MSH6: variants seen among roughly 807,000 people sequenced by gnomAD.
MSH6 encodes mutS homolog 6.
MSH6 carries 85 observed loss-of-function variants against 119.1 expected under a neutral mutation model. The observed-to-expected ratio is 0.71, with a 90% CI of 0.60 to 0.85. The LOEUF (loss-of-function observed/expected upper bound fraction) is 0.85, where lower values mean the gene tolerates loss of function less well. Among genes scored for constraint, MSH6 ranks in the 40% least tolerant of loss-of-function variants. The pLI, the probability that MSH6 is intolerant of heterozygous loss-of-function variation, is 0.00. For missense variants in MSH6, 2,163 were observed against 1,655.3 expected (o/e 1.31, Z -5.32); for synonymous variants, 830 against 586.9 (o/e 1.41, Z -5.99).
At position 47,800,472 on chromosome 2, in the gene MSH6, C is replaced by G; in HGVS notation, c.2489C>G (p.Ser830Cys). Reference protein sequence around the residue: ...RLLSKIHNVGSPLKSQNHPDS... With the variant: ...RLLSKIHNVGCPLKSQNHPDS... Reference sequence around the variant, plus strand: ...CTCAGTAAAATTCATAATGTTGGGTCTCCCCTGAAGAGTCAGAACCACCCA... The same window carrying G: ...CTCAGTAAAATTCATAATGTTGGGTGTCCCCTGAAGAGTCAGAACCACCCA... The change falls in exon 4 of 10, where the codon TCT becomes TGT. Residue 830 changes from serine (S) to cysteine (C), a missense_variant. Coordinates refer to ENST00000234420, the MANE Select transcript of MSH6 (RefSeq NM_000179.3). The G allele has an allele frequency of 1.2e-6, 2 of 1,613,496 alleles. No individual in the cohort carries two copies. The highest frequency in any genetic ancestry group is 1.1e-5 in the South Asian group (1 of 91,036).
intron 1 of MSH6, 191 bp downstream of exon 1, chr2:47,783,684 A>G: frequency 1.7e-6 from 1 of 571,668 alleles, no homozygotes; most frequent in Non-Finnish European, 2.8e-6. Flanking sequence ...GTAGCTTGTA[A>G]ACAGGGTCGG....
chr2:47,783,575 G>T (rs886639942), intron 1 of MSH6, 82 bp downstream of exon 1: 1 of 1,337,916 alleles, frequency 7.5e-7, no homozygotes, highest in Non-Finnish European at 9.7e-7. Flanking sequence ...TCGCACAGGG[G>T]GTTGGGGGGG....
chr2:47,805,386 AG>A (rs1359124497), intron 6 of MSH6, among the ~76,000 whole-genome samples: 6 of 152,152 alleles, frequency 3.9e-5, no homozygotes, highest in Admixed American at 3.3e-4. Context: ...TCACCATGTT[AG>A]GCTGGTCTCT....
rs773955368 is a variant in MSH6, at chr2:47,803,581, G to A, written c.3334G>A (p.Asp1112Asn). 4.7e-5 allele frequency: 76 copies of A among 1,613,996 alleles called. No homozygotes were observed. The highest frequency in any genetic ancestry group is 5.7e-5 in the Non-Finnish European group (67 of 1,180,032). Residue 1112 changes from aspartate (D) to asparagine (N), a missense_variant, in exon 5 of 10, where the codon GAC (aspartate) becomes AAC (asparagine). Transcript: ENST00000234420. ...TFFGDDFIPN[D>N]ILIGCEEEEQ... ...TTTTGGAGATGATTTTATTCCTAAT[G>A]ACATTCTAATAGGCTGTGAGGAAGA...
chr2:47,786,520 A>T (rs1418013734), intron 1 of MSH6, among the ~76,000 whole-genome samples: 2 of 136 alleles, frequency 0.015, no homozygotes, highest in East Asian at 0.33. Context: ...TTTATAGTAG[A>T]GACGGGTTTC....
At chr2:47,807,043 T>A, downstream of MSH6, 1 of 610,926 alleles carries the variant, frequency 1.6e-6, no homozygotes, top group Non-Finnish European at 2.9e-6. Flanking sequence ...CACAATATAT[T>A]AAGTCTAGAT....
intron 1 of MSH6, among the ~76,000 whole-genome samples, chr2:47,785,260 C>A (rs1033606807): frequency 6.6e-6 from 1 of 152,156 alleles, no homozygotes; most frequent in Non-Finnish European, 1.5e-5. Flanking sequence ...TGGAGTCTCG[C>A]TCTGTCGCCC....
rs1114167719 is a variant in MSH6, at chr2:47,783,387, G to T, written c.154G>T (p.Glu52Ter). 1 of 1,584,964 alleles carries T rather than the reference G, an allele frequency of 6.3e-7. No individual in the cohort carries two copies. The change falls in exon 1 of 10, where the codon GAG becomes TAG. Residue 52 changes from glutamate to a stop codon, truncating the protein, a stop_gained. Transcript: ENST00000234420. LOFTEE classifies it high-confidence loss of function. ...CCCAGGCGGGGATGCGGCCTGGAGC[G>T]AGGCTGGGCCTGGGCCCAGGCCCTT... ...PSPGGDAAWS[E>*]AGPGPRPLAR...
In MSH6 at chr2:47,788,922, G is replaced by GTTTT. The variant is rs1558650240; in HGVS notation, c.261-1983_261-1980dup. ...TTTCTTCTTCCTTTTTTTTTTTTTT[G>GTTTT]TTTTTTTTTTTTTTTTTTTTTTTTT... On this transcript the variant is annotated intron_variant, in intron 1 of 9. Coordinates refer to ENST00000234420, the MANE Select transcript of MSH6 (RefSeq NM_000179.3). Among the ~76,000 whole-genome samples the GTTTT allele has an allele frequency of 5.4e-3, 222 of 40,912 alleles. 2 individuals carry two copies. The highest frequency in any genetic ancestry group is 7.0e-3 in the Non-Finnish European group (166 of 23,568). The allele number at this position is 40,912 out of a possible 152,430, so 26.8% of individuals were successfully genotyped here.
At chr2:47,809,128 T>C (rs1252797055), downstream of MSH6, 2 of 1,367,488 alleles carry the variant, frequency 1.5e-6, no homozygotes, top group Non-Finnish European at 2.0e-6. Context: ...GTCTTCCTCT[T>C]TTCAGGACTC....
At chr2:47,785,346 G>C (rs1668288144) in intron 1 of MSH6, among the ~76,000 whole-genome samples, 1 of 152,096 alleles carries the variant, frequency 6.6e-6, no homozygotes, top group Non-Finnish European at 1.5e-5. Context: ...TCCTGCCTCA[G>C]CTTCCCGAGT....
In MSH6 at chr2:47,799,423, A is replaced by G; in HGVS notation, c.1440A>G (p.Val480=). The G allele has an allele frequency of 6.2e-7, 1 of 1,614,200 alleles. No individual in the cohort carries two copies. The highest frequency in any genetic ancestry group is 8.5e-7 in the Non-Finnish European group (1 of 1,180,038). Residue 480 remains valine (V), a synonymous_variant, in exon 4 of 10, where the codon GTA becomes GTG. Transcript: ENST00000234420. ...SDSLVQKGYK[V]ARVEQTETPE... ...CCCTGGTGCAGAAGGGCTATAAAGT[A>G]GCACGAGTGGAACAGACTGAGACTC...
chr2:47,788,900 C>T (rs1290381313), intron 1 of MSH6, among the ~76,000 whole-genome samples: 1 of 47,332 alleles, frequency 2.1e-5, no homozygotes, highest in South Asian at 7.2e-4. Flanking sequence ...TTCTTTCTTT[C>T]TTCTTCCTTT....
downstream of MSH6, chr2:47,808,702 A>AT (rs2104616451): frequency 2.8e-6 from 1 of 353,150 alleles, no homozygotes; most frequent in East Asian, 4.6e-5. Flanking sequence ...GCTGAAAACA[A>AT]TTTTTGGAGG....
chr2:47,787,710 C>G (rs529087787), intron 1 of MSH6, among the ~76,000 whole-genome samples: 1 of 152,114 alleles, frequency 6.6e-6, no homozygotes. Context: ...TCGACCTATT[C>G]GGCTCAAGTG....
chr2:47,801,364 T>TTG, intron 4 of MSH6: 17 of 433,256 alleles, frequency 3.9e-5, no homozygotes, highest in Non-Finnish European at 6.4e-5. Flanking sequence ...TTCTTCAGTT[T>TTG]TTTTTTTTTT....
Position 47,783,344 on chromosome 2 carries a change from C to T in MSH6, c.111C>T (p.Ala37=), listed in dbSNP as rs1011670864. Residue 37 remains alanine (A), a synonymous_variant, in exon 1 of 10, where the codon GCC becomes GCT. Coordinates refer to ENST00000234420, the MANE Select transcript of MSH6 (RefSeq NM_000179.3). The part of the protein sequence containing the change: ...ASREGGRAAA[A]PGASPSPGGD... Reference sequence around the variant, plus strand: ...GCGAAGGCGGCCGTGCCGCCGCTGCCCCCGGGGCCTCTCCTTCCCCAGGCG... The same window carrying T: ...GCGAAGGCGGCCGTGCCGCCGCTGCTCCCGGGGCCTCTCCTTCCCCAGGCG... The T allele has an allele frequency of 3.7e-6, 6 of 1,609,762 alleles. No individual in the cohort carries two copies. Among genetic ancestry groups the T allele is most frequent in the African/African-American group, 2.7e-5 (2 of 74,698 alleles).
chr2:47,796,183 A>G lies in MSH6; in HGVS notation c.627+120A>G, dbSNP rs1669078909. 4.9e-6 allele frequency: 5 copies of G among 1,012,112 alleles called. No individual in the cohort carries two copies. The East Asian group carries it at 1.0e-4, about 21-fold the overall frequency. The allele number at this position is 1,012,112 out of a possible 1,614,324, so 62.7% of individuals were successfully genotyped here. A position where few individuals can be genotyped will look rare whatever the true frequency, so the allele number is the denominator to read the frequency against. On this transcript the variant is annotated intron_variant, in intron 3 of 9. Transcript: ENST00000234420. The stretch of plus-strand genomic sequence containing the variant: ...GTGTGTGTATATGTATTATTTTATT[A>G]TACATACATGCATACTTCTGTAGTT...
intron 4 of MSH6, among the ~76,000 whole-genome samples, chr2:47,803,038 C>A (rs3136348): frequency 6.6e-5 from 10 of 151,920 alleles, no homozygotes; most frequent in Non-Finnish European, 1.3e-4. Context: ...CAGCCTCCTG[C>A]GTAGCTGGGA....
Sources: gnomAD v4.1 joint callset for allele counts (sites outside exome capture counted in the v4.1 genomes callset) on GRCh38, gnomAD v4.1.1 for gene constraint, MANE v1.5 for transcripts, NCBI Gene and HGNC (gene_info 2026-07-23, HGNC 2026-07-21) for gene names.